Variants in ZFPM2 observed in about 807,000 individuals in gnomAD.
ZFPM2 encodes zinc finger protein ZFPM2.
In ZFPM2, 20 loss-of-function variants were observed where a neutral mutation model predicts 98.6. The ratio of observed to expected loss-of-function variants is 0.20; its 90% CI spans 0.14 to 0.29. The LOEUF (loss-of-function observed/expected upper bound fraction) is 0.29. Ranked by LOEUF, ZFPM2 falls within the 10% of genes least tolerant of loss-of-function variation. The pLI, the probability that ZFPM2 is intolerant of heterozygous loss-of-function variation, is 1.00. For synonymous variants in ZFPM2, 518 were observed against 502.7 expected (o/e 1.03, Z -0.41); for missense variants, 1,310 against 1,388.6 (o/e 0.94, Z 0.90).
intron 5 of ZFPM2, among the ~76,000 whole-genome samples, chr8:105,643,224 A>C (rs2130854470): frequency 6.6e-6 from 1 of 152,310 alleles, no homozygotes; most frequent in African/African-American, 2.4e-5. Context: ...AGAAAACATT[A>C]GTAGTAAACC....
At chr8:105,598,646 A>G (rs555480124) in intron 4 of ZFPM2, among the ~76,000 whole-genome samples, 37 of 152,234 alleles carry the variant, frequency 2.4e-4, no homozygotes, top group African/African-American at 8.7e-4. Context: ...TAAATAAACT[A>G]GTTTTATTTC....
chr8:105,554,687 T>C (rs1814944696), intron 3 of ZFPM2, among the ~76,000 whole-genome samples: 1 of 152,200 alleles, frequency 6.6e-6, no homozygotes, highest in Non-Finnish European at 1.5e-5. Flanking sequence ...CAATATGATC[T>C]TCTGTCATCT....
intron 5 of ZFPM2, among the ~76,000 whole-genome samples, chr8:105,680,452 C>A (rs1021642121): frequency 1.3e-5 from 2 of 152,042 alleles, no homozygotes; most frequent in Non-Finnish European, 2.9e-5. Flanking sequence ...TATAATGATG[C>A]CTTGGAATTG....
rs545692432 is a variant in ZFPM2, at chr8:105,717,739, C to T, written c.533-70979C>T. Reference sequence around the variant, plus strand: ...TAATTAAAAATATTAATGTATGGATCAGAGAGAAACATTTAGTTTCACATA... The same window carrying T: ...TAATTAAAAATATTAATGTATGGATTAGAGAGAAACATTTAGTTTCACATA... On this transcript the variant is annotated intron_variant, in intron 5 of 7. Transcript: ENST00000407775. Among the ~76,000 whole-genome samples the T allele has an allele frequency of 3.5e-4, 53 of 151,792 alleles. 1 individual carries two copies. The South Asian group carries it at 4.2e-3, about 12-fold the overall frequency.
At chr8:105,721,005 T>C (rs995334197) in intron 5 of ZFPM2, among the ~76,000 whole-genome samples, 5 of 151,904 alleles carry the variant, frequency 3.3e-5, no homozygotes, top group African/African-American at 1.2e-4. Context: ...ACGACTGCAT[T>C]GTAAAAACCT....
intron 3 of ZFPM2, among the ~76,000 whole-genome samples, chr8:105,456,821 CA>C (rs955363022): frequency 9.2e-5 from 14 of 152,106 alleles, no homozygotes; most frequent in Admixed American, 2.6e-4. Context: ...TACAGGCTCA[CA>C]CCACCATGCC....
At chr8:105,517,294 G>C (rs369753025) in intron 3 of ZFPM2, among the ~76,000 whole-genome samples, 1 of 152,118 alleles carries the variant, frequency 6.6e-6, no homozygotes, top group Non-Finnish European at 1.5e-5. Context: ...CTGATGTCAT[G>C]TCCAAATATA....
intron 3 of ZFPM2, among the ~76,000 whole-genome samples, chr8:105,460,137 G>C (rs1259873885): frequency 2.0e-5 from 3 of 152,194 alleles, no homozygotes; most frequent in Non-Finnish European, 4.4e-5. Flanking sequence ...TATAGGAGCA[G>C]AAGCTGTTTG....
intron 6 of ZFPM2, among the ~76,000 whole-genome samples, chr8:105,796,395 G>GAGTT (rs1813816823): frequency 6.6e-6 from 1 of 150,680 alleles, no homozygotes; most frequent in African/African-American, 2.5e-5. Context: ...TGAAATTAGT[G>GAGTT]AGTTAAATTC....
intron 3 of ZFPM2, among the ~76,000 whole-genome samples, chr8:105,488,915 G>A (rs1306645838): frequency 6.6e-6 from 1 of 152,032 alleles, no homozygotes; most frequent in Non-Finnish European, 1.5e-5. Flanking sequence ...GATCTGTCCG[G>A]GTCCATTATG....
intron 1 of ZFPM2, among the ~76,000 whole-genome samples, chr8:105,334,982 G>T (rs1333372325): frequency 6.6e-6 from 1 of 151,692 alleles, no homozygotes; most frequent in Admixed American, 6.6e-5. Flanking sequence ...AGTGGGGTTT[G>T]AAAGGATGCC....
intron 1 of ZFPM2, among the ~76,000 whole-genome samples, chr8:105,416,516 T>C (rs1259901292): frequency 2.6e-5 from 4 of 151,832 alleles, no homozygotes; most frequent in East Asian, 1.9e-4. Flanking sequence ...TCCAGAAAAA[T>C]AGACTTATTT....
chr8:105,748,015 T>G (rs865936067), intron 5 of ZFPM2, among the ~76,000 whole-genome samples: 1 of 152,180 alleles, frequency 6.6e-6, no homozygotes, highest in Middle Eastern at 3.4e-3. Context: ...GGAGAACAAA[T>G]TTTTTTCCAT....
chr8:105,789,138 G>T lies in ZFPM2; in HGVS notation c.739+214G>T, dbSNP rs1401746018. 4 of 447,654 alleles carry T rather than the reference G, an allele frequency of 8.9e-6. 1 individual carries two copies. The highest frequency in any genetic ancestry group is 1.6e-5 in the Non-Finnish European group (4 of 253,896). 27.7% of individuals were successfully genotyped at this position (447,654 alleles called of 1,614,324 possible). A position where few individuals can be genotyped will look rare whatever the true frequency, so the allele number is the denominator to read the frequency against. ...TTAGGATACATGTGCACAATGTGCA[G>T]GTTAGTTACATATGTATACATGTGA... is the stretch of plus-strand genomic sequence containing the variant. On this transcript the variant is annotated intron_variant, in intron 6 of 7. Transcript: ENST00000407775.
intron 4 of ZFPM2, among the ~76,000 whole-genome samples, chr8:105,599,501 C>T (rs1816047310): frequency 6.6e-6 from 1 of 151,592 alleles, no homozygotes; most frequent in Middle Eastern, 3.2e-3. Flanking sequence ...ACATGAAATC[C>T]AGGGGTTAGA....
chr8:105,625,337 T>G (rs1816631905), intron 4 of ZFPM2, among the ~76,000 whole-genome samples: 1 of 152,170 alleles, frequency 6.6e-6, no homozygotes, highest in Non-Finnish European at 1.5e-5. Context: ...ATAGGTTCTT[T>G]TAATAGGAGT....
At chr8:105,568,994 A>ATC (rs1815300272) in intron 4 of ZFPM2, among the ~76,000 whole-genome samples, 1 of 148,708 alleles carries the variant, frequency 6.7e-6, no homozygotes. Context: ...CTCCCCACCT[A>ATC]TCTCTCTTCA....
At chr8:105,708,501 C>T (rs990262839) in intron 5 of ZFPM2, among the ~76,000 whole-genome samples, 1 of 152,120 alleles carries the variant, frequency 6.6e-6, no homozygotes, top group African/African-American at 2.4e-5. Context: ...GTGATCACGG[C>T]TCACTGCACC....
At chr8:105,794,268 C>CTGTT (rs1156537005) in intron 6 of ZFPM2, among the ~76,000 whole-genome samples, 2 of 152,032 alleles carry the variant, frequency 1.3e-5, no homozygotes, top group African/African-American at 2.4e-5. Flanking sequence ...GATGTCCTTT[C>CTGTT]TGTTTGTTAG....
Sources: allele counts gnomAD v4.1 joint callset (sites outside exome capture counted in the v4.1 genomes callset), GRCh38; gene constraint gnomAD v4.1.1; transcripts MANE v1.5; gene names NCBI Gene and HGNC (gene_info 2026-07-23, HGNC 2026-07-21).